The following TMC1 variants were observed in gnomAD, a reference collection of about 807,000 sequenced individuals.
TMC1 encodes transmembrane channel like 1.
Under a neutral mutation model 105.8 loss-of-function variants are expected in TMC1, and 84 were observed. That is an observed-to-expected ratio of 0.79 (90% CI 0.67 to 0.95). The LOEUF (loss-of-function observed/expected upper bound fraction) is 0.95. Ranked by LOEUF, TMC1 falls within the 40% of genes least tolerant of loss-of-function variation. The probability of loss-of-function intolerance (pLI) is 0.00; values close to 1 mark genes in which losing one functional copy is unlikely to be tolerated. For missense variants in TMC1, 817 were observed against 914.1 expected (o/e 0.89, Z 1.37); for synonymous variants, 315 against 311.5 (o/e 1.01, Z -0.12).
chr9:72,624,098 A>G (rs1825303256), intron 3 of TMC1, among the ~76,000 whole-genome samples: 1 of 152,186 alleles, frequency 6.6e-6, no homozygotes, highest in Non-Finnish European at 1.5e-5. Context: ...GAACGGTACT[A>G]TGTCAAGGTC....
chr9:72,783,153 G>GATATATATATAT (rs373297077), intron 13 of TMC1, among the ~76,000 whole-genome samples: 7 of 149,590 alleles, frequency 4.7e-5, no homozygotes, highest in Non-Finnish European at 7.4e-5. Context: ...ACTAATAGGA[G>GATATATATATAT]ATATATATAT....
intron 17 of TMC1, 40 bp downstream of exon 17, chr9:72,792,392 A>G (rs200794434): frequency 2.5e-6 from 4 of 1,611,036 alleles, no homozygotes; most frequent in Non-Finnish European, 3.4e-6. Context: ...TTAGTAGATT[A>G]AAAAAAGAGA....
In TMC1 at chr9:72,529,089, T is replaced by C. The variant is rs74606335; in HGVS notation, c.-428+7176T>C. 3.6e-4 allele frequency among the ~76,000 whole-genome samples: 53 copies of C among 147,764 alleles called. No individual in the cohort carries two copies. The East Asian group carries it at 0.01, about 28-fold the overall frequency. On this transcript the variant is annotated intron_variant, in intron 1 of 23. Transcript: ENST00000297784. The stretch of plus-strand genomic sequence containing the variant: ...AGAATGTGCACAGGTTATACAGAAA[T>C]ACTACACCATTTTTTTTTTTTTAAT...
intron 2 of TMC1, among the ~76,000 whole-genome samples, chr9:72,609,080 C>T (rs1824977261): frequency 6.6e-6 from 1 of 152,004 alleles, no homozygotes; most frequent in Non-Finnish European, 1.5e-5. Flanking sequence ...TTCTTCCTTT[C>T]CTCCTTCCCC....
At chr9:72,784,580 CA>C (rs1828140882) in intron 13 of TMC1, among the ~76,000 whole-genome samples, 1 of 152,144 alleles carries the variant, frequency 6.6e-6, no homozygotes, top group African/African-American at 2.4e-5. Flanking sequence ...CCAAGCAATC[CA>C]ATTACTGGGT....
chr9:72,603,433 A>G (rs974249735), intron 2 of TMC1, among the ~76,000 whole-genome samples: 1 of 151,460 alleles, frequency 6.6e-6, no homozygotes, highest in Non-Finnish European at 1.5e-5. Flanking sequence ...CACACTCCAC[A>G]CGCACACATA....
chr9:72,753,856 C>T (rs1021470317), intron 11 of TMC1, among the ~76,000 whole-genome samples: 64 of 152,246 alleles, frequency 4.2e-4, no homozygotes, highest in African/African-American at 1.4e-3. Context: ...GTCCTCTGTG[C>T]CCCCGAACTT....
At chr9:72,706,778 C>CT (rs370448287) in intron 8 of TMC1, among the ~76,000 whole-genome samples, 19,708 of 142,652 alleles carry the variant, frequency 0.14, 1,561 homozygotes, top group Non-Finnish European at 0.19. Context: ...TTCTTTCTTT[C>CT]TTTTTTTTTT....
At chr9:72,767,993 A>G (rs1827865582) in intron 12 of TMC1, among the ~76,000 whole-genome samples, 1 of 152,196 alleles carries the variant, frequency 6.6e-6, no homozygotes, top group Non-Finnish European at 1.5e-5. Context: ...CCATCCCTCA[A>G]TATGCTACAA....
intron 5 of TMC1, 59 bp from the exon 6 acceptor site, chr9:72,688,650 C>T: frequency 1.9e-5 from 27 of 1,454,608 alleles, no homozygotes; most frequent in Non-Finnish European, 2.5e-5. Flanking sequence ...GTAAAAACCA[C>T]TTACTAACAA....
intron 1 of TMC1, among the ~76,000 whole-genome samples, chr9:72,532,368 C>T (rs982833925): frequency 6.6e-6 from 1 of 151,490 alleles, no homozygotes; most frequent in African/African-American, 2.4e-5. Context: ...TGGTGAAACC[C>T]CATCTCTACT....
intron 1 of TMC1, among the ~76,000 whole-genome samples, chr9:72,568,313 A>G (rs527910061): frequency 2.6e-5 from 4 of 152,284 alleles, no homozygotes; most frequent in African/African-American, 7.2e-5. Context: ...AGGAAACCCT[A>G]TTCTAAAATG....
chr9:72,744,142 A>G (rs1337444425), intron 10 of TMC1, among the ~76,000 whole-genome samples: 1 of 152,258 alleles, frequency 6.6e-6, no homozygotes, highest in Non-Finnish European at 1.5e-5. Context: ...AATGAATTAA[A>G]ATACATCAGC....
intron 8 of TMC1, among the ~76,000 whole-genome samples, chr9:72,720,418 T>C (rs1827002112): frequency 6.6e-6 from 1 of 152,162 alleles, no homozygotes; most frequent in Non-Finnish European, 1.5e-5. Context: ...AGTAGCAATA[T>C]CGTGAGATCA....
At chr9:72,719,868 A>C (rs995299588) in intron 8 of TMC1, among the ~76,000 whole-genome samples, 1 of 152,134 alleles carries the variant, frequency 6.6e-6, no homozygotes. Context: ...ATGCATCTAG[A>C]TTTTGTCCAT....
intron 2 of TMC1, among the ~76,000 whole-genome samples, chr9:72,609,024 T>G (rs1824975994): frequency 6.6e-6 from 1 of 152,066 alleles, no homozygotes; most frequent in Admixed American, 6.6e-5. Context: ...ATCTCTGATC[T>G]TTCTCATCTG....
At chr9:72,782,492 C>T (rs189856638) in intron 13 of TMC1, among the ~76,000 whole-genome samples, 9 of 152,096 alleles carry the variant, frequency 5.9e-5, no homozygotes, top group Middle Eastern at 3.4e-3. Flanking sequence ...ATAAAAGGCA[C>T]GCAAATAGGA....
chr9:72,721,656 G>A (rs560901797), intron 8 of TMC1, among the ~76,000 whole-genome samples: 2 of 152,264 alleles, frequency 1.3e-5, no homozygotes, highest in South Asian at 2.1e-4. Context: ...TCCTGTAACA[G>A]TGCAGGTCAC....
intron 13 of TMC1, among the ~76,000 whole-genome samples, chr9:72,773,332 GC>G (rs1386875616): frequency 6.6e-6 from 1 of 152,128 alleles, no homozygotes; most frequent in Non-Finnish European, 1.5e-5. Context: ...AGTTGAATGA[GC>G]TTTTCCCCTC....
Sources: allele counts gnomAD v4.1 joint callset (sites outside exome capture counted in the v4.1 genomes callset), GRCh38; gene constraint gnomAD v4.1.1; transcripts MANE v1.5; gene names NCBI Gene and HGNC (gene_info 2026-07-23, HGNC 2026-07-21).